The following SGSM3 variants were observed in gnomAD, a reference collection of about 807,000 sequenced individuals.
SGSM3 encodes RUN and SH3 containing 3.
Under a neutral mutation model 100.5 loss-of-function variants are expected in SGSM3, and 96 were observed. That is an observed-to-expected ratio of 0.96 (90% confidence interval 0.81 to 1.13). SGSM3 has a LOEUF of 1.13. SGSM3 is among the 50% of genes most tolerant of loss of function. The pLI, the probability that SGSM3 is intolerant of heterozygous loss-of-function variation, is 0.00. For synonymous variants in SGSM3, 483 were observed against 422.8 expected, an observed-to-expected ratio of 1.14 and a Z score of -1.75; for missense variants, 1,001 against 1,015.8, an observed-to-expected ratio of 0.99 and a Z score of 0.20.
rs138586021 is a variant in SGSM3, at chr22:40,391,701, T to G, written c.-111-8995T>G. 1.6e-3 allele frequency among the ~76,000 whole-genome samples: 246 copies of G among 152,358 alleles called. 2 individuals carry two copies. The highest frequency in any genetic ancestry group is 5.5e-3 in the African/African-American group (230 of 41,590). ...TTTGCCATGATTAGCCTATTGACTA[T>G]GTTTATAATCCAGAGATTTCCTTTG... On this transcript the variant is annotated intron_variant, in intron 1 of 21. Transcript: ENST00000248929.
At chr22:40,371,926 T>G (rs1194919746) in intron 1 of SGSM3, among the ~76,000 whole-genome samples, 1 of 152,058 alleles carries the variant, frequency 6.6e-6, no homozygotes, top group Non-Finnish European at 1.5e-5. Context: ...CTCGAACTCC[T>G]GACCACAGGT....
At chr22:40,378,140 C>T (rs1365903976) in intron 1 of SGSM3, 3 of 152,122 alleles carry the variant, frequency 2.0e-5, no homozygotes, top group Non-Finnish European at 4.4e-5. Context: ...GTTTAGTAAT[C>T]TAATGGGGAC....
chr22:40,409,799 G>T lies in SGSM3; in HGVS notation c.*40G>T, dbSNP rs2147033021. The stretch of plus-strand genomic sequence containing the variant: ...GCCCAACCTCGGGCCTGCGTCTGAG[G>T]TGGCCCAGGACCCCAAGCTGCAGAG... On this transcript the variant is annotated 3_prime_UTR_variant, in exon 22 of 22. Transcript: ENST00000248929. 6.3e-7 allele frequency: 1 copy of T among 1,591,472 alleles called. No individual in the cohort carries two copies. Among genetic ancestry groups the T allele is most frequent in the Non-Finnish European group, 8.5e-7 (1 of 1,174,408 alleles).
At chr22:40,397,956 A>G (rs1333131466) in intron 1 of SGSM3, among the ~76,000 whole-genome samples, 2 of 145,748 alleles carry the variant, frequency 1.4e-5, no homozygotes, top group Non-Finnish European at 3.0e-5. Context: ...TGTGTTTATC[A>G]TCCAATTCTG....
chr22:40,397,449 G>A (rs931195671), intron 1 of SGSM3, among the ~76,000 whole-genome samples: 16 of 151,950 alleles, frequency 1.1e-4, no homozygotes, highest in African/African-American at 3.6e-4. Flanking sequence ...CCATTTCTCA[G>A]TGTTCCCACC....
intron 1 of SGSM3, among the ~76,000 whole-genome samples, chr22:40,396,188 C>T (rs1276889316): frequency 1.3e-5 from 2 of 152,118 alleles, no homozygotes; most frequent in East Asian, 1.9e-4. Context: ...TGGACTTTCC[C>T]GGCTTTGTGC....
chr22:40,404,113 G>A (rs1343586385), intron 4 of SGSM3, 134 bp from the exon 5 acceptor site: 1 of 660,112 alleles, frequency 1.5e-6, no homozygotes. Context: ...ATTAGCTATG[G>A]GAATCTGGAT....
At chr22:40,402,116 C>T (rs1242572626) in intron 3 of SGSM3, 23 bp from the exon 4 acceptor site, 3 of 1,604,370 alleles carry the variant, frequency 1.9e-6, no homozygotes, top group Non-Finnish European at 2.6e-6. Flanking sequence ...AGGCAACTGA[C>T]TTCAACCTCA....
At chr22:40,404,053 G>C in intron 4 of SGSM3, 194 bp from the exon 5 acceptor site, 1 of 434,784 alleles carries the variant, frequency 2.3e-6, no homozygotes, top group Non-Finnish European at 4.0e-6. Context: ...GAAGAGCTTT[G>C]CTCCTCATGG....
At position 40,398,266 on chromosome 22, in the gene SGSM3, CTGTCATCTGATTCTCT is replaced by C. The variant is rs1569186801; in HGVS notation, c.-111-2429_-111-2414del. On this transcript the variant is annotated intron_variant, in intron 1 of 21. Coordinates refer to ENST00000248929, the MANE Select transcript of SGSM3 (RefSeq NM_015705.6). Reference sequence around the variant, plus strand: ...ACAGGCGTGAGCCACCGGGCCCAGCCTGTCATCTGATTCTCTAATGTAAGGGTCAGGACTTTTTCCC... The same window carrying C: ...ACAGGCGTGAGCCACCGGGCCCAGCCAATGTAAGGGTCAGGACTTTTTCCC... Among the ~76,000 whole-genome samples the C allele has an allele frequency of 1.2e-4, 17 of 142,650 alleles. 2 individuals are homozygous for C. The highest frequency in any genetic ancestry group is 2.4e-4 in the Admixed American group (3 of 12,432). 93.6% of individuals were successfully genotyped at this position (142,650 alleles called of 152,430 possible). A position where few individuals can be genotyped will look rare whatever the true frequency, so the allele number is the denominator to read the frequency against.
chr22:40,401,229 T>C (rs2050713609), intron 2 of SGSM3, among the ~76,000 whole-genome samples: 1 of 152,098 alleles, frequency 6.6e-6, no homozygotes, highest in South Asian at 2.1e-4. Flanking sequence ...TTTCCTGATT[T>C]GAATTTTGCC....
Position 40,408,138 on chromosome 22 carries a change from G to GGGGGGGGGC in SGSM3, c.1629+18_1629+19insGGGGGGGGC. 2.7e-6 allele frequency: 4 copies of GGGGGGGGGC among 1,482,896 alleles called. No homozygotes were observed. Among genetic ancestry groups the GGGGGGGGGC allele is most frequent in the Non-Finnish European group, 3.8e-6 (4 of 1,061,528 alleles). 91.9% of individuals were successfully genotyped at this position (1,482,896 alleles called of 1,614,324 possible). ...GCAAAGAGGTGAGGGGGGTGGGCGGGCTAGGCACGGCTGGCACCCTTCTAG... is the reference window on the plus strand; with the variant it reads ...GCAAAGAGGTGAGGGGGGTGGGCGGGGGGGGGGGCCTAGGCACGGCTGGCACCCTTCTAG... On this transcript the variant is annotated intron_variant, in intron 15 of 21. Coordinates refer to ENST00000248929, the MANE Select transcript of SGSM3 (RefSeq NM_015705.6).
intron 1 of SGSM3, among the ~76,000 whole-genome samples, chr22:40,384,064 G>A (rs970943576): frequency 1.3e-5 from 2 of 152,088 alleles, no homozygotes; most frequent in Non-Finnish European, 2.9e-5. Flanking sequence ...TCCTGGGCAA[G>A]ATAGTAGGAC....
intron 1 of SGSM3, among the ~76,000 whole-genome samples, chr22:40,394,685 G>A (rs919369977): frequency 8.0e-5 from 12 of 150,644 alleles, no homozygotes; most frequent in Admixed American, 6.0e-4. Context: ...TTTTGCCATG[G>A]CTAGAAGGGC....
intron 4 of SGSM3, among the ~76,000 whole-genome samples, chr22:40,402,427 C>A (rs1279923130): frequency 6.6e-6 from 1 of 152,112 alleles, no homozygotes; most frequent in Non-Finnish European, 1.5e-5. Flanking sequence ...TAAAAGCAAT[C>A]GTGTTCACTG....
rs147672436 is a variant in SGSM3, at chr22:40,406,124, C to T, written c.861C>T (p.Ser287=). The T allele has an allele frequency of 1.7e-4, 275 of 1,614,002 alleles. 1 individual carries two copies. Among genetic ancestry groups the T allele is most frequent in the Middle Eastern group, 1.2e-3 (7 of 6,084 alleles). Residue 287 remains serine, a synonymous_variant, in exon 9 of 22, where the codon AGC becomes AGT. Transcript: ENST00000248929. Reference sequence around the variant, plus strand: ...ACTGGTTCCTCACGGCCTTCGCCAGCGTGGTGGACATCAAGCTGCTCCTGC... The same window carrying T: ...ACTGGTTCCTCACGGCCTTCGCCAGTGTGGTGGACATCAAGCTGCTCCTGC... ...TLHWFLTAFA[S]VVDIKLLLRI... is the part of the protein sequence containing the mutation.
At chr22:40,374,774 G>A (rs1440267098) in intron 1 of SGSM3, among the ~76,000 whole-genome samples, 2 of 152,234 alleles carry the variant, frequency 1.3e-5, no homozygotes, top group Non-Finnish European at 2.9e-5. Flanking sequence ...CAGCTACTCG[G>A]GAGGCTGAGG....
At chr22:40,382,977 G>A (rs1258828395) in intron 1 of SGSM3, among the ~76,000 whole-genome samples, 3 of 152,202 alleles carry the variant, frequency 2.0e-5, no homozygotes, top group Non-Finnish European at 4.4e-5. Context: ...GATTTCTTCA[G>A]AAAGTCCTGA....
rs145940990 is a variant in SGSM3 at position 40,404,649 on chromosome 22, C to G, written c.459C>G (p.Thr153=). The G allele has an allele frequency of 5.4e-5, 87 of 1,611,688 alleles. No homozygotes were observed. In the African/African-American group the frequency reaches 1.1e-3, roughly 21 times the overall value. ...EIVKNSSNDE[T]IAAKQIEKDL... ...TGAAGAACAGCTCCAACGATGAGAC[C>G]ATCGCTGCCAAGCAGGTGAGGCCGG... The change falls in exon 6 of 22, where the codon ACC becomes ACG. Residue 153 remains threonine, a synonymous_variant. Transcript: ENST00000248929.
Sources: allele counts gnomAD v4.1 joint callset (sites outside exome capture counted in the v4.1 genomes callset), GRCh38; gene constraint gnomAD v4.1.1; transcripts MANE v1.5; gene names NCBI Gene and HGNC (gene_info 2026-07-23, HGNC 2026-07-21).